B3GALNT2: variants seen among roughly 807,000 people sequenced by gnomAD.
B3GALNT2 encodes the protein UDP-GalNAc:beta-1,3-N-acetylgalactosaminyltransferase 2.
B3GALNT2 carries 53 observed loss-of-function variants against 61.1 expected under a neutral mutation model. That is an observed-to-expected ratio of 0.87 (90% confidence interval 0.70 to 1.09). The LOEUF is 1.09. Ranked by LOEUF, B3GALNT2 falls within the 50% of genes least tolerant of loss-of-function variation. B3GALNT2 has a pLI of 0.00. For synonymous variants in B3GALNT2, 223 were observed against 237.4 expected (o/e 0.94, Z 0.56); for missense variants, 544 against 623.0 (o/e 0.87, Z 1.35).
At chr1:235,480,224 C>A in intron 4 of B3GALNT2, 75 bp from the exon 5 acceptor site, 4 of 1,556,514 alleles carry the variant, frequency 2.6e-6, no homozygotes, top group Non-Finnish European at 2.6e-6. Context: ...TTTCAAACAC[C>A]TTACTTCTTG....
chr1:235,494,934 T>G (rs1488502914), intron 1 of B3GALNT2, 106 bp from the exon 2 acceptor site: 1 of 1,130,368 alleles, frequency 8.8e-7, no homozygotes, highest in Non-Finnish European at 1.2e-6. Context: ...TGTAGGAAAT[T>G]CAGATAAACA....
At chr1:235,482,327 T>A (rs1030348297) in intron 4 of B3GALNT2, among the ~76,000 whole-genome samples, 10 of 152,036 alleles carry the variant, frequency 6.6e-5, no homozygotes, top group African/African-American at 2.4e-4. Flanking sequence ...GTAGTCTTTC[T>A]GCTTGAAAAT....
At chr1:235,443,004 A>AGT, downstream of B3GALNT2, 1 of 1,242,310 alleles carries the variant, frequency 8.0e-7, no homozygotes, top group Non-Finnish European at 1.2e-6. Context: ...CATGTCTCAA[A>AGT]GTGTGGACCT....
intron 3 of B3GALNT2, among the ~76,000 whole-genome samples, chr1:235,485,430 C>T (rs1684759931): frequency 1.3e-5 from 2 of 152,226 alleles, no homozygotes; most frequent in Non-Finnish European, 2.9e-5. Flanking sequence ...CCTCCTGCCT[C>T]AGCCTCCTGA....
chr1:235,470,421 T>C (rs1683931841), intron 6 of B3GALNT2, among the ~76,000 whole-genome samples: 1 of 151,764 alleles, frequency 6.6e-6, no homozygotes, highest in Non-Finnish European at 1.5e-5. Flanking sequence ...TGAAACCCCA[T>C]CTCTACAAAA....
downstream of B3GALNT2, chr1:235,442,791 G>A (rs892456260): frequency 6.6e-7 from 1 of 1,525,200 alleles, no homozygotes; most frequent in African/African-American, 1.4e-5. Flanking sequence ...GATGTGTGTG[G>A]ATAATTTAAA....
At chr1:235,444,827 T>C (rs907423486), downstream of B3GALNT2, among the ~76,000 whole-genome samples, 5 of 152,284 alleles carry the variant, frequency 3.3e-5, no homozygotes, top group African/African-American at 1.2e-4. Context: ...CTCAAGAATA[T>C]TGTCATTAGA....
Position 235,448,395 on chromosome 1 carries a change from C to CA in B3GALNT2, c.*1810dup. 6.2e-7 allele frequency: 1 copy of CA among 1,614,100 alleles called. No homozygotes were observed. Among genetic ancestry groups the CA allele is most frequent in the Non-Finnish European group, 8.5e-7 (1 of 1,179,978 alleles). ...TGAAGGGATTGCTGTCACGTCTTCT[C>CA]AAAGTTCCTGTGTCAGACCTTCTGT... On this transcript the variant is annotated 3_prime_UTR_variant, in exon 12 of 12. Coordinates refer to ENST00000366600, the MANE Select transcript of B3GALNT2 (RefSeq NM_152490.5).
chr1:235,479,886 T>G (rs1273169184), intron 5 of B3GALNT2, 168 bp downstream of exon 5: 3 of 1,208,894 alleles, frequency 2.5e-6, no homozygotes, highest in African/African-American at 1.5e-5. Flanking sequence ...CTCAGGAGGT[T>G]TGAATACAGA....
At chr1:235,492,864 G>A (rs945603741) in intron 2 of B3GALNT2, among the ~76,000 whole-genome samples, 1 of 152,146 alleles carries the variant, frequency 6.6e-6, no homozygotes, top group Non-Finnish European at 1.5e-5. Flanking sequence ...CCTGAGGTAG[G>A]GGCACTTTTA....
At chr1:235,483,332 G>A (rs1257895226) in intron 4 of B3GALNT2, among the ~76,000 whole-genome samples, 1 of 152,194 alleles carries the variant, frequency 6.6e-6, no homozygotes, top group East Asian at 1.9e-4. Flanking sequence ...AGCGAGCGAA[G>A]TCAGAAAAGG....
intron 10 of B3GALNT2, 41 bp downstream of exon 10, chr1:235,454,115 T>C (rs372673325): frequency 6.5e-7 from 1 of 1,530,390 alleles, no homozygotes. Context: ...TTGTGATTAC[T>C]GGCAAGAGCC....
chr1:235,461,665 C>T (rs547045794), intron 7 of B3GALNT2, among the ~76,000 whole-genome samples: 6 of 151,986 alleles, frequency 3.9e-5, no homozygotes, highest in African/African-American at 7.2e-5. Context: ...TACAGGCGTG[C>T]GCCACCATGC....
the B3GALNT2 span, among the ~76,000 whole-genome samples, chr1:235,440,662 G>A: frequency 3.3e-5 from 5 of 152,260 alleles, no homozygotes; most frequent in South Asian, 1.0e-3. Flanking sequence ...CCAAAGTGCT[G>A]GGATTACAGG....
intron 6 of B3GALNT2, among the ~76,000 whole-genome samples, chr1:235,470,090 G>A (rs1270681673): frequency 6.6e-6 from 1 of 151,772 alleles, no homozygotes; most frequent in Non-Finnish European, 1.5e-5. Context: ...GTACAGATGG[G>A]GTCTTGCTAT....
downstream of B3GALNT2, chr1:235,442,894 T>C: frequency 1.9e-6 from 3 of 1,614,114 alleles, no homozygotes; most frequent in Non-Finnish European, 2.5e-6. Context: ...CAGAAAGTCC[T>C]GGAGAAACAA....
At chr1:235,490,631 T>C (rs1055848727) in intron 2 of B3GALNT2, among the ~76,000 whole-genome samples, 3 of 152,224 alleles carry the variant, frequency 2.0e-5, no homozygotes, top group African/African-American at 7.2e-5. Context: ...TAAAGCCTGC[T>C]ACTACTGGCT....
intron 2 of B3GALNT2, among the ~76,000 whole-genome samples, chr1:235,492,378 T>C (rs941254162): frequency 6.6e-6 from 1 of 152,230 alleles, no homozygotes; most frequent in African/African-American, 2.4e-5. Flanking sequence ...CTGCCTAATA[T>C]CTATTTTTAT....
At chr1:235,482,414 CAG>C (rs529689112) in intron 4 of B3GALNT2, among the ~76,000 whole-genome samples, 4 of 151,926 alleles carry the variant, frequency 2.6e-5, no homozygotes, top group African/African-American at 9.7e-5. Context: ...GAAAGGATCA[CAG>C]AGAGAGAGAA....
Sources: allele counts gnomAD v4.1 joint callset (sites outside exome capture counted in the v4.1 genomes callset), GRCh38; gene constraint gnomAD v4.1.1; transcripts MANE v1.5; gene names NCBI Gene and HGNC (gene_info 2026-07-23, HGNC 2026-07-21).